ULK4: variants seen among roughly 807,000 people sequenced by gnomAD.
ULK4 encodes the protein unc-51 like kinase 4.
A neutral mutation model predicts 160.6 loss-of-function variants in ULK4; 133 were observed. The ratio of observed to expected loss-of-function variants is 0.83; its 90% confidence interval spans 0.72 to 0.96. ULK4 has a LOEUF of 0.96. ULK4 is among the 40% of genes least tolerant of loss of function. The probability of loss-of-function intolerance (pLI) is 0.00; values close to 1 mark genes in which losing one functional copy is unlikely to be tolerated. For missense variants in ULK4, 1,580 were observed against 1,499.5 expected (o/e 1.05, Z -0.89); for synonymous variants, 534 against 539.8 (o/e 0.99, Z 0.15).
rs192901787 is a variant in ULK4 at position 41,671,374 on chromosome 3, T to C, written c.2979-7675A>G. On this transcript the variant is annotated intron_variant, in intron 29 of 36. Coordinates refer to ENST00000301831, the MANE Select transcript of ULK4 (RefSeq NM_017886.4). ...AGTTATAGTAACCAAAACAGCATGG[T>C]ATTGGTATAAAAACAGACACACAGA... 5.6e-4 allele frequency among the ~76,000 whole-genome samples: 85 copies of C among 152,198 alleles called. 1 individual carries two copies. Among genetic ancestry groups the C allele is most frequent in the African/African-American group, 1.8e-3 (75 of 41,554 alleles).
At chr3:41,706,849 A>ATGTGTGTGTGTGTGTGTG (rs749756575) in intron 25 of ULK4, among the ~76,000 whole-genome samples, 34 of 102,360 alleles carry the variant, frequency 3.3e-4, no homozygotes, top group African/African-American at 1.6e-3. Context: ...AAAAAAAAAT[A>ATGTGTGTGTGTGTGTGTG]TGTGTGTGTG....
At chr3:41,612,251 C>G (rs1003626365) in intron 31 of ULK4, among the ~76,000 whole-genome samples, 1 of 152,064 alleles carries the variant, frequency 6.6e-6, no homozygotes, top group African/African-American at 2.4e-5. Flanking sequence ...ACTGACCTAG[C>G]CTTCCCCTTC....
intron 21 of ULK4, among the ~76,000 whole-genome samples, chr3:41,788,262 T>C (rs1003357534): frequency 6.6e-6 from 1 of 152,198 alleles, no homozygotes; most frequent in African/African-American, 2.4e-5. Context: ...AGTTTCATTA[T>C]AAAAACCAAA....
chr3:41,612,656 A>G (rs972971753), intron 31 of ULK4, among the ~76,000 whole-genome samples: 6 of 152,210 alleles, frequency 3.9e-5, no homozygotes, highest in Non-Finnish European at 8.8e-5. Flanking sequence ...TTTGCCATAC[A>G]ACTCCAGAAA....
At chr3:41,296,765 C>G (rs2079676738) in intron 35 of ULK4, among the ~76,000 whole-genome samples, 2 of 152,000 alleles carry the variant, frequency 1.3e-5, no homozygotes, top group Admixed American at 6.6e-5. Context: ...CAATGGCAGA[C>G]TGCAGAAGGC....
chr3:41,490,301 T>A (rs115751481), intron 32 of ULK4, among the ~76,000 whole-genome samples: 3,085 of 152,260 alleles, frequency 0.02, 45 homozygotes, highest in Middle Eastern at 0.068. Flanking sequence ...CCTGACCCAG[T>A]CTGAGTTCAG....
intron 35 of ULK4, among the ~76,000 whole-genome samples, chr3:41,390,281 G>T (rs1354889002): frequency 3.3e-5 from 5 of 152,064 alleles, no homozygotes; most frequent in Non-Finnish European, 1.5e-5. Context: ...TATTAGTCTT[G>T]CTAACAGTCA....
intron 32 of ULK4, among the ~76,000 whole-genome samples, chr3:41,472,958 A>G (rs972678142): frequency 2.0e-5 from 3 of 152,216 alleles, no homozygotes; most frequent in Non-Finnish European, 4.4e-5. Flanking sequence ...GCATGCAAGG[A>G]TGGTTCAACA....
intron 21 of ULK4, among the ~76,000 whole-genome samples, chr3:41,775,778 A>T (rs2039590514): frequency 6.6e-6 from 1 of 150,784 alleles, no homozygotes; most frequent in Non-Finnish European, 1.5e-5. Flanking sequence ...TATCGCCCAT[A>T]TCCTTCTGCA....
intron 35 of ULK4, among the ~76,000 whole-genome samples, chr3:41,378,898 CT>C (rs1325344437): frequency 2.0e-5 from 3 of 152,078 alleles, no homozygotes; most frequent in Admixed American, 2.0e-4. Context: ...AGTTCAAGTC[CT>C]TTGTGGGGAC....
intron 34 of ULK4, among the ~76,000 whole-genome samples, chr3:41,454,653 C>T (rs79413173): frequency 0.029 from 4,420 of 151,796 alleles, 228 homozygotes; most frequent in African/African-American, 0.099. Flanking sequence ...AAGACTGGGA[C>T]GTTTTGTAGA....
At chr3:41,641,953 G>GCAAT (rs1252215740) in intron 30 of ULK4, among the ~76,000 whole-genome samples, 1 of 147,912 alleles carries the variant, frequency 6.8e-6, no homozygotes, top group Non-Finnish European at 1.5e-5. Context: ...TCGGCTCACT[G>GCAAT]CAACCTCTGC....
chr3:41,583,747 G>A (rs1342934048), intron 31 of ULK4, among the ~76,000 whole-genome samples: 1 of 152,168 alleles, frequency 6.6e-6, no homozygotes, highest in Non-Finnish European at 1.5e-5. Flanking sequence ...TGTTATAATT[G>A]ACCAGAACTG....
chr3:41,598,321 A>G (rs1227525632), intron 31 of ULK4, among the ~76,000 whole-genome samples: 1 of 152,234 alleles, frequency 6.6e-6, no homozygotes, highest in Non-Finnish European at 1.5e-5. Flanking sequence ...AACTGGAGCT[A>G]TAAGAAAAGC....
At chr3:41,496,809 G>C (rs1025072850) in intron 32 of ULK4, among the ~76,000 whole-genome samples, 8 of 152,030 alleles carry the variant, frequency 5.3e-5, no homozygotes, top group African/African-American at 1.9e-4. Context: ...ATTCAACTGA[G>C]ATCTAAGAAA....
At chr3:41,761,832 A>G (rs1173072406) in intron 21 of ULK4, among the ~76,000 whole-genome samples, 1 of 152,096 alleles carries the variant, frequency 6.6e-6, no homozygotes, top group Non-Finnish European at 1.5e-5. Flanking sequence ...TCCCAGCACT[A>G]TGGGAGACTG....
intron 29 of ULK4, among the ~76,000 whole-genome samples, chr3:41,670,906 C>T (rs1268673367): frequency 6.6e-6 from 1 of 152,040 alleles, no homozygotes; most frequent in Non-Finnish European, 1.5e-5. Context: ...TGTTAACTCC[C>T]AAACTATCCC....
chr3:41,706,368 T>TAC (rs1383428091), intron 25 of ULK4, among the ~76,000 whole-genome samples: 1 of 146,270 alleles, frequency 6.8e-6, no homozygotes, highest in East Asian at 2.0e-4. Flanking sequence ...TATTTATATA[T>TAC]ATATTTAATA....
intron 2 of ULK4, among the ~76,000 whole-genome samples, chr3:41,943,398 A>G (rs1700020051): frequency 6.6e-6 from 1 of 152,094 alleles, no homozygotes; most frequent in Non-Finnish European, 1.5e-5. Context: ...TACACATCCT[A>G]GCCTGTGACC....
Sources: allele counts gnomAD v4.1 joint callset (sites outside exome capture counted in the v4.1 genomes callset), GRCh38; gene constraint gnomAD v4.1.1; transcripts MANE v1.5; gene names NCBI Gene and HGNC (gene_info 2026-07-23, HGNC 2026-07-21).